Variants in PTDSS2 observed in about 807,000 individuals in gnomAD.
PTDSS2 encodes PSS-2.
In PTDSS2, 41 loss-of-function variants were observed where a neutral mutation model predicts 64.7. The ratio of observed to expected loss-of-function variants is 0.63; its 90% confidence interval spans 0.49 to 0.82. The LOEUF (loss-of-function observed/expected upper bound fraction) is 0.82, where lower values mean the gene tolerates loss of function less well. PTDSS2 is among the 40% of genes least tolerant of loss of function. The pLI, the probability that PTDSS2 is intolerant of heterozygous loss-of-function variation, is 0.00. For synonymous variants in PTDSS2, 297 were observed against 277.8 expected, an observed-to-expected ratio of 1.07 and a Z score of -0.69; for missense variants, 485 against 650.0, an observed-to-expected ratio of 0.75 and a Z score of 2.76.
chr11:490,277 C>A, intron 11 of PTDSS2, 143 bp from the exon 12 acceptor site: 1 of 1,262,976 alleles, frequency 7.9e-7, no homozygotes, highest in Non-Finnish European at 1.1e-6. Flanking sequence ...TCCAGTCTGC[C>A]ACGGCTGCCG....
At chr11:467,250 A>C (rs1419870412) in intron 2 of PTDSS2, among the ~76,000 whole-genome samples, 1 of 152,212 alleles carries the variant, frequency 6.6e-6, no homozygotes, top group Non-Finnish European at 1.5e-5. Flanking sequence ...GAAGTTATTC[A>C]GACGGGAGAT....
chr11:449,068 ATT>A (rs33967553), upstream of PTDSS2, among the ~76,000 whole-genome samples: 18 of 136,328 alleles, frequency 1.3e-4, no homozygotes, highest in African/African-American at 3.9e-4. Flanking sequence ...TTCACCTAGC[ATT>A]TTTTTTTTTT....
At chr11:483,873 A>G (rs146989405) in intron 4 of PTDSS2, among the ~76,000 whole-genome samples, 116 of 152,312 alleles carry the variant, frequency 7.6e-4, no homozygotes, top group African/African-American at 2.6e-3. Context: ...CACCATCACC[A>G]TGACGTATCC....
At chr11:449,412 G>A (rs770987558), upstream of PTDSS2, among the ~76,000 whole-genome samples, 1 of 152,214 alleles carries the variant, frequency 6.6e-6, no homozygotes, top group Non-Finnish European at 1.5e-5. Context: ...TGTAGCATGC[G>A]CATGCTTCGC....
Position 490,884 on chromosome 11 carries a change from G to A in PTDSS2, c.*302G>A. On this transcript the variant is annotated 3_prime_UTR_variant, in exon 12 of 12. Transcript: ENST00000308020. ...GGCTCCGAGGCTTCTCCAGAGCTGGGAGCTGGCTGGCGTGGCAAGGGCATG... is the reference window on the plus strand; with the variant it reads ...GGCTCCGAGGCTTCTCCAGAGCTGGAAGCTGGCTGGCGTGGCAAGGGCATG... 5.0e-6 allele frequency: 2 copies of A among 399,606 alleles called. No homozygotes were observed. Among genetic ancestry groups the A allele is most frequent in the Non-Finnish European group, 9.0e-6 (2 of 221,922 alleles). 24.8% of individuals were successfully genotyped at this position (399,606 alleles called of 1,614,324 possible).
intron 3 of PTDSS2, among the ~76,000 whole-genome samples, chr11:474,683 G>A (rs572247915): frequency 7.2e-4 from 109 of 152,318 alleles, no homozygotes; most frequent in African/African-American, 2.6e-3. Context: ...CTGTAGGGTC[G>A]GTTGTTTCCC....
intron 2 of PTDSS2, among the ~76,000 whole-genome samples, chr11:467,682 G>A (rs189932987): frequency 1.3e-5 from 2 of 152,042 alleles, no homozygotes; most frequent in Admixed American, 6.5e-5. Context: ...GCAGTGAGCC[G>A]AGATCGCAAC....
rs971179878 is a variant in PTDSS2, at chr11:462,118, A to G, written c.284+1830A>G. 6.6e-6 allele frequency among the ~76,000 whole-genome samples: 1 copy of G among 151,942 alleles called. No individual in the cohort carries two copies. Among genetic ancestry groups the G allele is most frequent in the Non-Finnish European group, 1.5e-5 (1 of 67,956 alleles). ...TGTCTTGGGAGCACTCCCCGAAAGC[A>G]TTCACCAGGCCCCCACCAGGCGCAT... On this transcript the variant is annotated intron_variant, in intron 2 of 11. Coordinates refer to ENST00000308020, the MANE Select transcript of PTDSS2 (RefSeq NM_030783.3). The surrounding 1 kb of genome is among the most constrained non-coding windows in gnomAD (Gnocchi z 4.5).
chr11:467,443 ACT>A (rs1263179619), intron 2 of PTDSS2, among the ~76,000 whole-genome samples: 1 of 152,266 alleles, frequency 6.6e-6, no homozygotes, highest in South Asian at 2.1e-4. Flanking sequence ...AGTTTCACAG[ACT>A]CTCACAGAAC....
At chr11:458,210 C>CTTTTTTTTTTTTT (rs200105934) in intron 1 of PTDSS2, among the ~76,000 whole-genome samples, 1 of 144,624 alleles carries the variant, frequency 6.9e-6, no homozygotes. Flanking sequence ...TATTTTTTTT[C>CTTTTTTTTTTTTT]TTTTTTTTTT....
chr11:467,313 A>C (rs532247514), intron 2 of PTDSS2, among the ~76,000 whole-genome samples: 80 of 152,318 alleles, frequency 5.3e-4, no homozygotes, highest in African/African-American at 1.8e-3. Flanking sequence ...GGAAACAGGG[A>C]GACGCCACTG....
In PTDSS2 at chr11:476,395, G is replaced by T. The variant is rs770093348; in HGVS notation, c.367+2418G>T. On this transcript the variant is annotated intron_variant, in intron 3 of 11. Transcript: ENST00000308020. This position sits in a 1 kb window ranked among gnomAD's most constrained non-coding sequence, Gnocchi z 4.9. ...CGCGGTGATGGTGAGAAACTTCCCG[G>T]CACACAGTGAAAAGCCTGGTGCAGT... Among the ~76,000 whole-genome samples, 2 of 152,182 alleles carry T rather than the reference G, an allele frequency of 1.3e-5. No individual in the cohort carries two copies. Among genetic ancestry groups the T allele is most frequent in the East Asian group, 3.8e-4 (2 of 5,202 alleles).
At chr11:466,685 A>G (rs898287020) in intron 2 of PTDSS2, among the ~76,000 whole-genome samples, 7 of 152,112 alleles carry the variant, frequency 4.6e-5, no homozygotes, top group Non-Finnish European at 5.9e-5. Flanking sequence ...CTGAGATTAC[A>G]GGTGTGAGCC....
chr11:453,724 C>T (rs1312000151), intron 1 of PTDSS2, among the ~76,000 whole-genome samples: 3 of 152,246 alleles, frequency 2.0e-5, no homozygotes, highest in African/African-American at 4.8e-5. Context: ...TTGGGCTGCC[C>T]ATCCAGGCGT....
intron 1 of PTDSS2, among the ~76,000 whole-genome samples, chr11:457,277 A>G (rs1410175440): frequency 6.6e-6 from 1 of 152,196 alleles, no homozygotes; most frequent in Non-Finnish European, 1.5e-5. Flanking sequence ...CGCCACAACC[A>G]CGCTCACACC....
intron 1 of PTDSS2, among the ~76,000 whole-genome samples, chr11:456,849 A>G (rs990192015): frequency 6.6e-6 from 1 of 152,220 alleles, no homozygotes. Flanking sequence ...CGGTTTCCTC[A>G]TGGCTTAGGA....
intron 2 of PTDSS2, among the ~76,000 whole-genome samples, chr11:469,679 C>A (rs1268507038): frequency 6.6e-6 from 1 of 151,968 alleles, no homozygotes; most frequent in Non-Finnish European, 1.5e-5. Context: ...GCTGTACAAG[C>A]TGAGGGGGCC....
In PTDSS2 at chr11:460,804, C is replaced by G. The variant is rs1177160847; in HGVS notation, c.284+516C>G. 6.5e-6 allele frequency: 1 copy of G among 153,818 alleles called. No individual in the cohort carries two copies. The highest frequency in any genetic ancestry group is 6.4e-5 in the Admixed American group (1 of 15,576). 9.5% of individuals were successfully genotyped at this position (153,818 alleles called of 1,614,324 possible). A position where few individuals can be genotyped will look rare whatever the true frequency, so the allele number is the denominator to read the frequency against. ...GCAGGCTAGACCTTGGGTGTGTCCT[C>G]TGCCTGAATTCCATGGATTCTGACG... On this transcript the variant is annotated intron_variant, in intron 2 of 11. Transcript: ENST00000308020. This position sits in a 1 kb window ranked among gnomAD's most constrained non-coding sequence, Gnocchi z 5.8.
chr11:467,012 A>G (rs776047352), intron 2 of PTDSS2, among the ~76,000 whole-genome samples: 5 of 152,042 alleles, frequency 3.3e-5, no homozygotes, highest in Admixed American at 6.6e-5. Context: ...CCAAGATCAC[A>G]CCACTGCACT....
Sources: gnomAD v4.1 joint callset for allele counts (sites outside exome capture counted in the v4.1 genomes callset) on GRCh38, gnomAD v4.1.1 for gene constraint, Gnocchi (gnomAD v3.1) non-coding constraint, MANE v1.5 for transcripts, NCBI Gene and HGNC (gene_info 2026-07-23, HGNC 2026-07-21) for gene names.